Variants in SLC24A3 observed in about 807,000 individuals in gnomAD.
SLC24A3 encodes the protein sodium/potassium/calcium exchanger 3.
In SLC24A3, 28 loss-of-function variants were observed where a neutral mutation model predicts 75.8. The ratio of observed to expected loss-of-function variants is 0.37; its 90% CI spans 0.27 to 0.51. The LOEUF (loss-of-function observed/expected upper bound fraction) is 0.51. SLC24A3 is among the 20% of genes least tolerant of loss of function. The probability of loss-of-function intolerance (pLI) is 0.94; values close to 1 mark genes in which losing one functional copy is unlikely to be tolerated. For synonymous variants in SLC24A3, 372 were observed against 334.1 expected (o/e 1.11, Z -1.24); for missense variants, 663 against 847.8 (o/e 0.78, Z 2.71).
intron 6 of SLC24A3, among the ~76,000 whole-genome samples, chr20:19,650,518 C>T (rs1192267633): frequency 1.3e-5 from 2 of 152,180 alleles, no homozygotes; most frequent in East Asian, 3.8e-4. Context: ...TTGCCTGTTC[C>T]TGATATTTGC....
chr20:19,640,841 A>C (rs1408161720), intron 6 of SLC24A3, among the ~76,000 whole-genome samples: 3 of 152,228 alleles, frequency 2.0e-5, no homozygotes, highest in Non-Finnish European at 2.9e-5. Flanking sequence ...AATAGGAAGA[A>C]ATTGATAAAA....
chr20:19,328,683 G>T (rs1050244891), intron 2 of SLC24A3, among the ~76,000 whole-genome samples: 17 of 152,164 alleles, frequency 1.1e-4, no homozygotes, highest in Admixed American at 3.9e-4. Flanking sequence ...TCCTGTGTTG[G>T]AAGTGCTCAT....
intron 2 of SLC24A3, among the ~76,000 whole-genome samples, chr20:19,508,694 C>A (rs1988494964): frequency 6.6e-6 from 1 of 152,158 alleles, no homozygotes; most frequent in Admixed American, 6.5e-5. Flanking sequence ...TTCTGCAGGC[C>A]CCCAGGGCTG....
intron 2 of SLC24A3, among the ~76,000 whole-genome samples, chr20:19,434,699 A>G (rs1410507239): frequency 6.6e-6 from 1 of 152,054 alleles, no homozygotes; most frequent in East Asian, 1.9e-4. Flanking sequence ...GCTAATTACA[A>G]AGTAAAGGGA....
At position 19,527,323 on chromosome 20, in the gene SLC24A3, G is replaced by A. The variant is rs113324923; in HGVS notation, c.348+11759G>A. 3.3e-5 allele frequency among the ~76,000 whole-genome samples: 5 copies of A among 152,228 alleles called. 1 individual carries two copies. The highest frequency in any genetic ancestry group is 7.2e-5 in the African/African-American group (3 of 41,532). ...TTTATGTCCCCATCATGCCCAGCAC[G>A]GCACCTTGCATGGAAGAAGTGCTCA... On this transcript the variant is annotated intron_variant, in intron 3 of 16. Transcript: ENST00000328041.
At chr20:19,689,245 A>C (rs1156522993) in intron 12 of SLC24A3, among the ~76,000 whole-genome samples, 2 of 152,244 alleles carry the variant, frequency 1.3e-5, no homozygotes, top group Non-Finnish European at 2.9e-5. Context: ...TATTATCGGA[A>C]CAAATGTATA....
At chr20:19,492,429 A>G (rs540079762) in intron 2 of SLC24A3, among the ~76,000 whole-genome samples, 9 of 152,324 alleles carry the variant, frequency 5.9e-5, no homozygotes, top group African/African-American at 2.2e-4. Flanking sequence ...ATTTGAGACA[A>G]CGCATCTGTA....
intron 3 of SLC24A3, among the ~76,000 whole-genome samples, chr20:19,522,528 T>C (rs2030117164): frequency 6.6e-6 from 1 of 152,192 alleles, no homozygotes; most frequent in Non-Finnish European, 1.5e-5. Context: ...ATCAATAAAG[T>C]GGGAACGCAT....
intron 1 of SLC24A3, among the ~76,000 whole-genome samples, chr20:19,262,426 AGAAAG>A (rs1254075498): frequency 7.2e-6 from 1 of 138,404 alleles, no homozygotes. Context: ...AAAAAAAAAA[AGAAAG>A]AGAGAGAAAT....
At chr20:19,588,326 CT>C (rs2031328232) in intron 6 of SLC24A3, among the ~76,000 whole-genome samples, 1 of 152,152 alleles carries the variant, frequency 6.6e-6, no homozygotes, top group Non-Finnish European at 1.5e-5. Context: ...TTTCATTTGG[CT>C]GGGAGAATTA....
chr20:19,624,020 C>T (rs1293377399), intron 6 of SLC24A3, among the ~76,000 whole-genome samples: 1 of 152,178 alleles, frequency 6.6e-6, no homozygotes, highest in African/African-American at 2.4e-5. Context: ...TATCACAAGC[C>T]AAGGCACACC....
chr20:19,469,007 C>G (rs1181134595), intron 2 of SLC24A3, among the ~76,000 whole-genome samples: 1 of 152,078 alleles, frequency 6.6e-6, no homozygotes, highest in Non-Finnish European at 1.5e-5. Flanking sequence ...GAGATGGATA[C>G]TTAACACCAG....
intron 15 of SLC24A3, among the ~76,000 whole-genome samples, chr20:19,716,701 G>A (rs1396211592): frequency 6.6e-6 from 1 of 151,992 alleles, no homozygotes; most frequent in Non-Finnish European, 1.5e-5. Context: ...GGGCAACGTA[G>A]TGAGACCTAG....
intron 3 of SLC24A3, among the ~76,000 whole-genome samples, chr20:19,559,247 T>TGG (rs1429976727): frequency 6.6e-6 from 1 of 152,202 alleles, no homozygotes; most frequent in African/African-American, 2.4e-5. Context: ...ATCACCTTCT[T>TGG]GTTCATTATC....
intron 13 of SLC24A3, among the ~76,000 whole-genome samples, chr20:19,696,057 G>T (rs1600345467): frequency 9.3e-6 from 1 of 107,710 alleles, no homozygotes; most frequent in African/African-American, 3.7e-5. Context: ...TCACTGTGTT[G>T]CCGAGGCTGG....
intron 1 of SLC24A3, among the ~76,000 whole-genome samples, chr20:19,220,668 T>C (rs1222225335): frequency 6.6e-6 from 1 of 152,244 alleles, no homozygotes; most frequent in Non-Finnish European, 1.5e-5. Flanking sequence ...TGGAATGGTA[T>C]GCATGAGGGT....
At chr20:19,320,206 G>A (rs1010882873) in intron 2 of SLC24A3, among the ~76,000 whole-genome samples, 41 of 152,276 alleles carry the variant, frequency 2.7e-4, no homozygotes, top group Non-Finnish European at 4.9e-4. Context: ...GGGCGCCGAC[G>A]GTCCAGGCTT....
intron 2 of SLC24A3, among the ~76,000 whole-genome samples, chr20:19,314,320 TA>T: frequency 6.6e-6 from 1 of 150,844 alleles, no homozygotes; most frequent in Admixed American, 6.6e-5. Flanking sequence ...TATTTTATTT[TA>T]TTTTATTTTT....
intron 2 of SLC24A3, among the ~76,000 whole-genome samples, chr20:19,410,089 A>G (rs1030567469): frequency 6.6e-6 from 1 of 152,202 alleles, no homozygotes; most frequent in African/African-American, 2.4e-5. Flanking sequence ...TTATTCAATT[A>G]CAGAACAAGA....
Sources: allele counts gnomAD v4.1 joint callset (sites outside exome capture counted in the v4.1 genomes callset), GRCh38; gene constraint gnomAD v4.1.1; transcripts MANE v1.5; gene names NCBI Gene and HGNC (gene_info 2026-07-23, HGNC 2026-07-21).